ERBB4: variants seen among roughly 807,000 people sequenced by gnomAD.
The protein encoded by ERBB4 is erb-b2 receptor tyrosine kinase 4.
A neutral mutation model predicts 158.0 loss-of-function variants in ERBB4; 42 were observed. That is an observed-to-expected ratio of 0.27 (90% CI 0.21 to 0.34). The LOEUF (loss-of-function observed/expected upper bound fraction) is 0.34. Among genes scored for constraint, ERBB4 ranks in the 10% least tolerant of loss-of-function variants. The probability of loss-of-function intolerance (pLI) is 1.00; values close to 1 mark genes in which losing one functional copy is unlikely to be tolerated. For synonymous variants in ERBB4, 583 were observed against 558.7 expected, an observed-to-expected ratio of 1.04 and a Z score of -0.61; for missense variants, 1,333 against 1,624.1, an observed-to-expected ratio of 0.82 and a Z score of 3.08.
intron 3 of ERBB4, among the ~76,000 whole-genome samples, chr2:211,924,420 A>G (rs1377650407): frequency 6.6e-6 from 1 of 152,152 alleles, no homozygotes; most frequent in Non-Finnish European, 1.5e-5. Context: ...TTCACCACTA[A>G]GCAACATATG....
At chr2:212,006,196 T>C (rs2076255397) in intron 2 of ERBB4, among the ~76,000 whole-genome samples, 1 of 152,154 alleles carries the variant, frequency 6.6e-6, no homozygotes, top group Non-Finnish European at 1.5e-5. Context: ...AATCCCAGAA[T>C]CTTTCTAATT....
chr2:212,346,675 C>T (rs1004197646), intron 1 of ERBB4, among the ~76,000 whole-genome samples: 7 of 152,126 alleles, frequency 4.6e-5, no homozygotes, highest in Admixed American at 4.6e-4. Flanking sequence ...GGTTATGGGA[C>T]ATAGTATGTA....
At chr2:212,395,614 C>CTTTTT (rs760604732) in intron 1 of ERBB4, among the ~76,000 whole-genome samples, 32 of 84,708 alleles carry the variant, frequency 3.8e-4, no homozygotes, top group East Asian at 9.7e-4. Flanking sequence ...CAGTTACACT[C>CTTTTT]TTTTTTTTTT....
chr2:212,287,128 T>TCCTCCAGCCCCTGCTTCCTCCAGCC (rs964610812), intron 1 of ERBB4, among the ~76,000 whole-genome samples: 1 of 151,844 alleles, frequency 6.6e-6, no homozygotes, highest in African/African-American at 2.4e-5. Context: ...TTATAAAACT[T>TCCTCCAGCCCCTGCTTCCTCCAGCC]CCCTCCAGCC....
chr2:212,399,010 C>A (rs2091112681), intron 1 of ERBB4, among the ~76,000 whole-genome samples: 1 of 152,040 alleles, frequency 6.6e-6, no homozygotes, highest in Non-Finnish European at 1.5e-5. Context: ...GTGGCGTGAT[C>A]TTGGCTGACT....
intron 20 of ERBB4, among the ~76,000 whole-genome samples, chr2:211,537,188 A>G (rs2066679256): frequency 6.6e-6 from 1 of 151,946 alleles, no homozygotes; most frequent in Admixed American, 6.6e-5. Flanking sequence ...ATTCTCAAAA[A>G]CTTCACCATT....
intron 2 of ERBB4, among the ~76,000 whole-genome samples, chr2:212,109,228 TGTTCA>T (rs1477470489): frequency 6.6e-6 from 1 of 152,136 alleles, no homozygotes; most frequent in Non-Finnish European, 1.5e-5. Context: ...AAATACAAGG[TGTTCA>T]GTTAAGAGTT....
rs533902901 is a variant in ERBB4, at chr2:211,977,030, T to G, written c.235-29414A>C. Among the ~76,000 whole-genome samples the G allele has an allele frequency of 1.1e-4, 17 of 152,306 alleles. No individual in the cohort carries two copies. The East Asian group carries it at 2.7e-3, about 24-fold the overall frequency. On this transcript the variant is annotated intron_variant, in intron 2 of 27. Transcript: ENST00000342788. ...GTAAATATGATTTAAGATGGTATGATTGTCAATACAATCAAGAAGAAAGGG... is the reference window on the plus strand; with the variant it reads ...GTAAATATGATTTAAGATGGTATGAGTGTCAATACAATCAAGAAGAAAGGG...
chr2:212,095,446 C>T (rs1339370093), intron 2 of ERBB4, among the ~76,000 whole-genome samples: 1 of 152,036 alleles, frequency 6.6e-6, no homozygotes, highest in Non-Finnish European at 1.5e-5. Context: ...GCATAAAACC[C>T]TAGAGAAAGC....
chr2:212,307,146 C>T (rs1460828823), intron 1 of ERBB4, among the ~76,000 whole-genome samples: 1 of 151,192 alleles, frequency 6.6e-6, no homozygotes, highest in Non-Finnish European at 1.5e-5. Context: ...ATCCTGGGCT[C>T]AGTCATTTAG....
At chr2:211,730,604 A>G (rs1339121642) in intron 5 of ERBB4, among the ~76,000 whole-genome samples, 1 of 152,018 alleles carries the variant, frequency 6.6e-6, no homozygotes, top group East Asian at 1.9e-4. Flanking sequence ...TCTGTAAGTA[A>G]AACTTTTCAT....
intron 3 of ERBB4, among the ~76,000 whole-genome samples, chr2:211,805,892 AAATAT>A (rs1423900787): frequency 6.6e-6 from 1 of 151,822 alleles, no homozygotes; most frequent in Non-Finnish European, 1.5e-5. Context: ...AATATTTAAT[AAATAT>A]AATATTTAAC....
chr2:211,700,703 TCACA>T (rs971455104), intron 12 of ERBB4, among the ~76,000 whole-genome samples: 7 of 151,788 alleles, frequency 4.6e-5, no homozygotes, highest in Non-Finnish European at 8.8e-5. Context: ...TTCTATTTAT[TCACA>T]CACACACACG....
chr2:211,450,267 C>A (rs1487598782), intron 20 of ERBB4, among the ~76,000 whole-genome samples: 1 of 151,962 alleles, frequency 6.6e-6, no homozygotes, highest in African/African-American at 2.4e-5. Flanking sequence ...CAAGGGCAAA[C>A]CTGCAGGATC....
intron 1 of ERBB4, among the ~76,000 whole-genome samples, chr2:212,160,441 C>G (rs1016254887): frequency 3.3e-4 from 50 of 151,968 alleles, no homozygotes; most frequent in African/African-American, 1.2e-3. Flanking sequence ...CACAAGTCCT[C>G]CATAGTTAAA....
chr2:211,913,097 A>T (rs2079580379), intron 3 of ERBB4, among the ~76,000 whole-genome samples: 3 of 152,170 alleles, frequency 2.0e-5, no homozygotes, highest in Admixed American at 6.5e-5. Context: ...TCCCATCTGT[A>T]CAGGTTAAAT....
At chr2:212,334,545 C>A (rs1369256791) in intron 1 of ERBB4, among the ~76,000 whole-genome samples, 1 of 151,938 alleles carries the variant, frequency 6.6e-6, no homozygotes, top group Non-Finnish European at 1.5e-5. Context: ...TATTTGGTAG[C>A]AGCTAATTGC....
chr2:212,404,331 A>C (rs1377018417), intron 1 of ERBB4, among the ~76,000 whole-genome samples: 4 of 152,032 alleles, frequency 2.6e-5, no homozygotes, highest in African/African-American at 9.7e-5. Context: ...AAATTCTGTT[A>C]ATCCCACCTG....
At chr2:212,127,159 A>T (rs1343675960) in intron 1 of ERBB4, among the ~76,000 whole-genome samples, 1 of 152,200 alleles carries the variant, frequency 6.6e-6, no homozygotes, top group Non-Finnish European at 1.5e-5. Context: ...TCAAATTAAG[A>T]TGAGGTAGGT....
Sources: allele counts gnomAD v4.1 joint callset (sites outside exome capture counted in the v4.1 genomes callset), GRCh38; gene constraint gnomAD v4.1.1; transcripts MANE v1.5; gene names NCBI Gene and HGNC (gene_info 2026-07-23, HGNC 2026-07-21).